The following TENM4 variants were observed in gnomAD, a reference collection of about 807,000 sequenced individuals.
TENM4 encodes teneurin transmembrane protein 4.
A neutral mutation model predicts 243.3 loss-of-function variants in TENM4; 82 were observed. The observed-to-expected ratio is 0.34, with a 90% CI of 0.28 to 0.40. The LOEUF is 0.40. TENM4 is among the 10% of genes least tolerant of loss of function. The pLI, the probability that TENM4 is intolerant of heterozygous loss-of-function variation, is 1.00. For synonymous variants in TENM4, 1,412 were observed against 1,456.3 expected (o/e 0.97, Z 0.69); for missense variants, 3,138 against 3,673.3 (o/e 0.85, Z 3.77).
At chr11:78,733,790 G>C (rs1855725147) in intron 20 of TENM4, among the ~76,000 whole-genome samples, 2 of 152,174 alleles carry the variant, frequency 1.3e-5, no homozygotes, top group Admixed American at 6.5e-5. Flanking sequence ...TGGGAAAAGA[G>C]GGCCACATGT....
chr11:79,398,582 G>A (rs963487921), intron 1 of TENM4, among the ~76,000 whole-genome samples: 1 of 152,060 alleles, frequency 6.6e-6, no homozygotes, highest in Non-Finnish European at 1.5e-5. Context: ...GCACAAACAA[G>A]TGGCTTAGTT....
At chr11:78,862,840 T>C (rs1858857381) in intron 10 of TENM4, 122 bp downstream of exon 10, 4 of 1,055,252 alleles carry the variant, frequency 3.8e-6, no homozygotes, top group African/African-American at 3.3e-5. Context: ...TGTGGAAGGA[T>C]GGAGGGAGCG....
intron 3 of TENM4, among the ~76,000 whole-genome samples, chr11:79,204,888 G>A (rs11606728): frequency 0.086 from 13,118 of 152,148 alleles, 596 homozygotes; most frequent in Middle Eastern, 0.19. Context: ...GTCACACAAC[G>A]GGTTATACAC....
chr11:79,168,955 C>T (rs763850224), intron 3 of TENM4, among the ~76,000 whole-genome samples: 1 of 152,202 alleles, frequency 6.6e-6, no homozygotes, highest in Non-Finnish European at 1.5e-5. Flanking sequence ...CCCCCACCCA[C>T]GCCATCTCAG....
At chr11:79,273,960 T>A (rs1856011309) in intron 2 of TENM4, among the ~76,000 whole-genome samples, 1 of 152,176 alleles carries the variant, frequency 6.6e-6, no homozygotes, top group African/African-American at 2.4e-5. Context: ...GCTTGCCAGA[T>A]CCAATATCAG....
At chr11:78,775,773 G>A (rs1856729220) in intron 17 of TENM4, among the ~76,000 whole-genome samples, 1 of 152,178 alleles carries the variant, frequency 6.6e-6, no homozygotes, top group African/African-American at 2.4e-5. Context: ...GCATTTGCTA[G>A]AGTCAAAGTA....
At chr11:79,257,827 C>T (rs1452068164) in intron 2 of TENM4, among the ~76,000 whole-genome samples, 2 of 152,172 alleles carry the variant, frequency 1.3e-5, no homozygotes, top group Non-Finnish European at 2.9e-5. Flanking sequence ...CCTGACTCCA[C>T]AAATGCTATC....
At chr11:78,787,915 G>T (rs1856973536) in intron 15 of TENM4, among the ~76,000 whole-genome samples, 1 of 152,208 alleles carries the variant, frequency 6.6e-6, no homozygotes, top group Non-Finnish European at 1.5e-5. Flanking sequence ...CATGCTTACT[G>T]CAGGGAGCGG....
Position 79,244,464 on chromosome 11 carries a change from T to C in TENM4, c.-264-28555A>G, listed in dbSNP as rs1855478817. Reference sequence around the variant, plus strand: ...ATGTGTGTGTGTGTGTGTGTGTCTGTGTGGTGTGACGAGTCTCCAAAGCCC... The same window carrying C: ...ATGTGTGTGTGTGTGTGTGTGTCTGCGTGGTGTGACGAGTCTCCAAAGCCC... On this transcript the variant is annotated intron_variant, in intron 2 of 33. Coordinates refer to ENST00000278550, the MANE Select transcript of TENM4 (RefSeq NM_001098816.3). Among the ~76,000 whole-genome samples, 4 of 152,044 alleles carry C rather than the reference T, an allele frequency of 2.6e-5. No homozygotes were observed. The South Asian group carries it at 8.3e-4, about 32-fold the overall frequency.
chr11:78,757,212 C>T (rs1375239462), intron 18 of TENM4, among the ~76,000 whole-genome samples, 191 bp from the exon 19 acceptor site: 1 of 152,156 alleles, frequency 6.6e-6, no homozygotes, highest in Non-Finnish European at 1.5e-5. Flanking sequence ...GCTCACTAGT[C>T]TAGAAGGAGA....
In TENM4 at chr11:79,428,107, G is replaced by A. The variant is rs185880025; in HGVS notation, c.-321+12402C>T. Among the ~76,000 whole-genome samples the A allele has an allele frequency of 1.6e-4, 25 of 152,254 alleles. No homozygotes were observed. The East Asian group carries it at 3.5e-3, about 21-fold the overall frequency. ...AAGCCAAGTGTGGCCTTAGACTGGC[G>A]GCATCAACATCTCCTGGAAGCTTGT... On this transcript the variant is annotated intron_variant, in intron 1 of 33. Coordinates refer to ENST00000278550, the MANE Select transcript of TENM4 (RefSeq NM_001098816.3).
At chr11:79,386,270 A>G (rs1858109828) in intron 1 of TENM4, among the ~76,000 whole-genome samples, 1 of 152,236 alleles carries the variant, frequency 6.6e-6, no homozygotes. Context: ...TCAATTCCAA[A>G]TGGGCCACAA....
chr11:79,006,050 A>AT (rs1290676086), intron 6 of TENM4, among the ~76,000 whole-genome samples: 1 of 152,228 alleles, frequency 6.6e-6, no homozygotes, highest in Non-Finnish European at 1.5e-5. Context: ...ACAAAAAGAA[A>AT]TGTAGGAACT....
At chr11:79,204,890 G>T (rs1158257838) in intron 3 of TENM4, among the ~76,000 whole-genome samples, 2 of 152,142 alleles carry the variant, frequency 1.3e-5, no homozygotes, top group Admixed American at 1.3e-4. Flanking sequence ...CACACAACGG[G>T]TTATACACAG....
chr11:78,668,366 G>A (rs780771912), intron 32 of TENM4, among the ~76,000 whole-genome samples: 23 of 152,006 alleles, frequency 1.5e-4, no homozygotes, highest in Non-Finnish European at 2.8e-4. Context: ...TTCAATTTAC[G>A]TATCAGGAAA....
In TENM4 at chr11:78,683,380, G is replaced by A. The variant is rs1473311323; in HGVS notation, c.5260+4674C>T. ...TGGCGGGCGCCCCTCCCCCAGCCTC[G>A]TTGCCGCCTTGCAGTTTGATCTCAG... is the stretch of plus-strand genomic sequence containing the variant. On this transcript the variant is annotated intron_variant, in intron 29 of 33. Transcript: ENST00000278550. Among the ~76,000 whole-genome samples, 4 of 71,690 alleles carry A rather than the reference G, an allele frequency of 5.6e-5. 1 individual carries two copies. Among genetic ancestry groups the A allele is most frequent in the South Asian group, 6.4e-4 (2 of 3,140 alleles). 47.0% of individuals were successfully genotyped at this position (71,690 alleles called of 152,430 possible). A position where few individuals can be genotyped will look rare whatever the true frequency, so the allele number is the denominator to read the frequency against.
intron 3 of TENM4, chr11:79,191,624 C>A (rs193273614): frequency 0.019 from 3,477 of 181,224 alleles, 149 homozygotes; most frequent in African/African-American, 0.087. Context: ...TGCCTGGCTG[C>A]CCAGTCTGGA....
intron 31 of TENM4, among the ~76,000 whole-genome samples, chr11:78,671,508 T>A (rs1190961277): frequency 6.6e-6 from 1 of 152,244 alleles, no homozygotes; most frequent in Admixed American, 6.5e-5. Context: ...GCTGCAAAGC[T>A]ACCATTTTTT....
chr11:79,420,052 A>C (rs968908977), intron 1 of TENM4, among the ~76,000 whole-genome samples: 18 of 152,204 alleles, frequency 1.2e-4, no homozygotes, highest in African/African-American at 4.3e-4. Context: ...AAATATTTTG[A>C]ATCCAACCCA....
Sources: gnomAD v4.1 joint callset for allele counts (sites outside exome capture counted in the v4.1 genomes callset) on GRCh38, gnomAD v4.1.1 for gene constraint, MANE v1.5 for transcripts, NCBI Gene and HGNC (gene_info 2026-07-23, HGNC 2026-07-21) for gene names.